CLIP2: variants seen among roughly 807,000 people sequenced by gnomAD.
The protein encoded by CLIP2 is CAP-Gly domain containing linker protein 2, also known as CAP-Gly domain-containing linker protein 2.
CLIP2 carries 41 observed loss-of-function variants against 111.7 expected under a neutral mutation model. The observed-to-expected ratio is 0.37, with a 90% CI of 0.29 to 0.48. CLIP2 has a LOEUF of 0.48. Among genes scored for constraint, CLIP2 ranks in the 20% least tolerant of loss-of-function variants. The pLI is 0.99. For synonymous variants in CLIP2, 660 were observed against 644.2 expected (o/e 1.02, Z -0.37); for missense variants, 1,160 against 1,422.1 (o/e 0.82, Z 2.96).
rs201829199 is a variant in CLIP2, at chr7:74,363,004, C to CT, written c.1320-1239dup. On this transcript the variant is annotated intron_variant, in intron 7 of 16. Coordinates refer to ENST00000223398, the MANE Select transcript of CLIP2 (RefSeq NM_003388.5). ...AGGCCCTAGGAAGAGCAGCTTTGAG[C>CT]TTTTTTTTTTTTCCCCCAAGATGGA... Among the ~76,000 whole-genome samples, 146 of 144,532 alleles carry CT rather than the reference C, an allele frequency of 1.0e-3. 1 individual carries two copies. In the Middle Eastern group the frequency reaches 0.015, roughly 15 times the overall value. 94.8% of individuals were successfully genotyped at this position (144,532 alleles called of 152,430 possible).
intron 12 of CLIP2, chr7:74,388,529 G>A (rs940373088): frequency 6.6e-6 from 1 of 152,014 alleles, no homozygotes; most frequent in Non-Finnish European, 1.5e-5. Context: ...CGGGCACCGC[G>A]GCTCACATCT....
At chr7:74,353,200 G>C (rs1396845757) in intron 3 of CLIP2, among the ~76,000 whole-genome samples, 2 of 150,522 alleles carry the variant, frequency 1.3e-5, no homozygotes, top group Non-Finnish European at 3.0e-5. Flanking sequence ...ATTTATTGAA[G>C]CTCTAGTATA....
At chr7:74,304,142 G>A (rs925015766) in intron 1 of CLIP2, among the ~76,000 whole-genome samples, 1 of 151,686 alleles carries the variant, frequency 6.6e-6, no homozygotes, top group Non-Finnish European at 1.5e-5. Context: ...TCGAACTCCT[G>A]GCCTCAAATG....
intron 1 of CLIP2, among the ~76,000 whole-genome samples, chr7:74,293,095 G>T (rs570296989): frequency 6.6e-6 from 1 of 152,338 alleles, no homozygotes; most frequent in African/African-American, 2.4e-5. Context: ...AGTGGGCATG[G>T]TTTGAGGAGC....
intron 7 of CLIP2, among the ~76,000 whole-genome samples, chr7:74,362,078 T>A: frequency 7.0e-6 from 1 of 142,200 alleles, no homozygotes; most frequent in Non-Finnish European, 1.5e-5. Flanking sequence ...TACAGCTGGG[T>A]AACAGAGCGA....
At chr7:74,333,503 AT>A (rs1554731659) in intron 2 of CLIP2, among the ~76,000 whole-genome samples, 4 of 146,458 alleles carry the variant, frequency 2.7e-5, no homozygotes, top group South Asian at 2.2e-4. Context: ...TCTTTTGGAG[AT>A]GAGGTCTCGC....
intron 3 of CLIP2, among the ~76,000 whole-genome samples, chr7:74,341,425 C>T (rs1318027290): frequency 3.3e-5 from 5 of 151,616 alleles, no homozygotes; most frequent in Non-Finnish European, 5.9e-5. Flanking sequence ...TTGACCTACC[C>T]ACCTCGGCCT....
At chr7:74,294,279 G>A (rs1047017230) in intron 1 of CLIP2, among the ~76,000 whole-genome samples, 4 of 152,196 alleles carry the variant, frequency 2.6e-5, no homozygotes, top group Non-Finnish European at 4.4e-5. Flanking sequence ...GGCTAGGGCC[G>A]TCACAACAGA....
intron 1 of CLIP2, among the ~76,000 whole-genome samples, chr7:74,292,411 G>A (rs2116433599): frequency 6.6e-6 from 1 of 152,218 alleles, no homozygotes; most frequent in African/African-American, 2.4e-5. Context: ...TTTTGAGACA[G>A]CATCTTGCTC....
intron 4 of CLIP2, 43 bp downstream of exon 4, chr7:74,354,047 TC>T: frequency 6.3e-7 from 1 of 1,576,298 alleles, no homozygotes; most frequent in Non-Finnish European, 8.6e-7. Flanking sequence ...GGGGCTCCTC[TC>T]CCCAGGGTGG....
intron 3 of CLIP2, among the ~76,000 whole-genome samples, chr7:74,351,092 G>A (rs200006717): frequency 3.9e-5 from 1 of 25,578 alleles, no homozygotes; most frequent in Non-Finnish European, 2.0e-4. Flanking sequence ...AGAAAAAGAA[G>A]GAAGGGAAGG....
chr7:74,353,727 A>G lies in CLIP2; in HGVS notation c.679-153A>G, dbSNP rs535226896. 9.5e-4 allele frequency among the ~76,000 whole-genome samples: 145 copies of G among 152,170 alleles called. 1 individual carries two copies. Among genetic ancestry groups the G allele is most frequent in the Admixed American group, 3.3e-3 (51 of 15,266 alleles). ...CACTGGTTAACCTGTCTCCATCTCA[A>G]TCATCCTTAGGTGTCTCTCCCTCCC... is the stretch of plus-strand genomic sequence containing the variant. On this transcript the variant is annotated intron_variant, in intron 3 of 16. Transcript: ENST00000223398.
At chr7:74,359,539 TAG>T (rs1276071795) in intron 6 of CLIP2, among the ~76,000 whole-genome samples, 1 of 151,852 alleles carries the variant, frequency 6.6e-6, no homozygotes, top group Admixed American at 6.6e-5. Context: ...GTATTTTTAG[TAG>T]AGATGGGGTT....
chr7:74,373,398 T>G (rs2116649144), intron 9 of CLIP2, among the ~76,000 whole-genome samples: 1 of 152,306 alleles, frequency 6.6e-6, no homozygotes, highest in Non-Finnish European at 1.5e-5. Flanking sequence ...CTTGGGAGGC[T>G]GAGGCAGGAG....
chr7:74,369,181 T>C (rs1790538052), intron 8 of CLIP2, among the ~76,000 whole-genome samples: 1 of 152,120 alleles, frequency 6.6e-6, no homozygotes, highest in Non-Finnish European at 1.5e-5. Context: ...TGAAACCCTG[T>C]CTCTACTAAA....
At chr7:74,316,301 G>A (rs1554729137) in intron 1 of CLIP2, among the ~76,000 whole-genome samples, 2 of 151,994 alleles carry the variant, frequency 1.3e-5, no homozygotes, top group Non-Finnish European at 1.5e-5. Context: ...CTGGAGTGCA[G>A]TGGTGCCGTC....
chr7:74,340,257 G>A lies in CLIP2; in HGVS notation c.678+1253G>A, dbSNP rs139854918. Reference sequence around the variant, plus strand: ...CCAAAAATACAAAAATTAGCTGGCTGTGATGGCGTGTGCCTATAATCCCAG... The same window carrying A: ...CCAAAAATACAAAAATTAGCTGGCTATGATGGCGTGTGCCTATAATCCCAG... On this transcript the variant is annotated intron_variant, in intron 3 of 16. Coordinates refer to ENST00000223398, the MANE Select transcript of CLIP2 (RefSeq NM_003388.5). Among the ~76,000 whole-genome samples, 307 of 152,226 alleles carry A rather than the reference G, an allele frequency of 2.0e-3. 1 individual carries two copies. The highest frequency in any genetic ancestry group is 4.1e-3 in the African/African-American group (171 of 41,522).
In CLIP2 at chr7:74,402,107, C is replaced by T. The variant is rs910096883; in HGVS notation, c.3129+540C>T. Reference sequence around the variant, plus strand: ...GTGAAACTCCATCTGGCGGGCGGATCACAAGGTCAGGAGATCAAGACCATC... The same window carrying T: ...GTGAAACTCCATCTGGCGGGCGGATTACAAGGTCAGGAGATCAAGACCATC... On this transcript the variant is annotated intron_variant, in intron 16 of 16. Coordinates refer to ENST00000223398, the MANE Select transcript of CLIP2 (RefSeq NM_003388.5). 3.9e-5 allele frequency among the ~76,000 whole-genome samples: 6 copies of T among 152,096 alleles called. No homozygotes were observed. In the East Asian group the frequency reaches 1.2e-3, roughly 29 times the overall value.
intron 8 of CLIP2, among the ~76,000 whole-genome samples, chr7:74,372,457 C>T (rs1167314469): frequency 2.0e-5 from 3 of 149,176 alleles, no homozygotes; most frequent in Non-Finnish European, 3.0e-5. Flanking sequence ...ATTCCTCATC[C>T]TGTGGGTCTC....
Sources: allele counts gnomAD v4.1 joint callset (sites outside exome capture counted in the v4.1 genomes callset), GRCh38; gene constraint gnomAD v4.1.1; transcripts MANE v1.5; gene names NCBI Gene and HGNC (gene_info 2026-07-23, HGNC 2026-07-21).